The following B4GALT6 variants were observed in gnomAD, a reference collection of about 807,000 sequenced individuals.
The protein encoded by B4GALT6 is UDP-Gal:beta-GlcNAc beta-1,4-galactosyltransferase 6.
A neutral mutation model predicts 46.3 loss-of-function variants in B4GALT6; 14 were observed. The observed-to-expected ratio is 0.30, with a 90% CI of 0.20 to 0.47. The LOEUF is 0.47. Ranked by LOEUF, B4GALT6 falls within the 20% of genes least tolerant of loss-of-function variation. B4GALT6 has a pLI of 0.99. For missense variants in B4GALT6, 386 were observed against 480.1 expected (o/e 0.80, Z 1.83); for synonymous variants, 168 against 162.0 (o/e 1.04, Z -0.28).
chr18:31,631,195 A>C, intron 5 of B4GALT6, 49 bp from the exon 6 acceptor site: 1 of 1,407,108 alleles, frequency 7.1e-7, no homozygotes, highest in Non-Finnish European at 9.4e-7. Flanking sequence ...CTCACACTTC[A>C]TCATCTTTTT....
chr18:31,627,844 C>T lies in B4GALT6; in HGVS notation c.777-723G>A, dbSNP rs144212598. On this transcript the variant is annotated intron_variant, in intron 6 of 8. Transcript: ENST00000306851. ...GTGTGTTTAGGTATAGATTGGCTTT[C>T]TGACATTTAGGCAGCATCCCTAGAC... 2.3e-3 allele frequency among the ~76,000 whole-genome samples: 343 copies of T among 152,280 alleles called. 1 individual carries two copies. The highest frequency in any genetic ancestry group is 0.02 in the Middle Eastern group (6 of 294).
the B4GALT6 span, among the ~76,000 whole-genome samples, chr18:31,691,233 G>T: frequency 8.0e-6 from 1 of 125,582 alleles, no homozygotes; most frequent in Non-Finnish European, 1.8e-5. Context: ...CAAAAACAGG[G>T]CAATAAATAA....
intron 3 of B4GALT6, among the ~76,000 whole-genome samples, chr18:31,654,888 A>G (rs980082013): frequency 6.6e-6 from 1 of 152,206 alleles, no homozygotes; most frequent in Admixed American, 6.5e-5. Flanking sequence ...TATCTTTTTA[A>G]GTAAAAAAAT....
the B4GALT6 span, among the ~76,000 whole-genome samples, chr18:31,717,903 G>A: frequency 6.8e-6 from 1 of 147,920 alleles, no homozygotes; most frequent in Non-Finnish European, 1.5e-5. Flanking sequence ...GTGGTGAGCC[G>A]AGATCGTGCC....
the B4GALT6 span, among the ~76,000 whole-genome samples, chr18:31,724,026 C>G: frequency 6.0e-5 from 9 of 150,806 alleles, no homozygotes; most frequent in East Asian, 2.0e-4. Context: ...AATTCTTCCT[C>G]GCAGAGGGGA....
Position 31,684,486 on chromosome 18 carries a change from C to G in B4GALT6, c.-60G>C. 1 of 1,582,792 alleles carries G rather than the reference C, an allele frequency of 6.3e-7. No individual in the cohort carries two copies. Among genetic ancestry groups the G allele is most frequent in the South Asian group, 1.1e-5 (1 of 87,746 alleles). On this transcript the variant is annotated 5_prime_UTR_variant, in exon 1 of 9. Transcript: ENST00000306851. ...CTCAGGCCGGACTCGGGGCCACTGT[C>G]CAGGCCCTAAACTTCCATAAATGTG...
chr18:31,625,706 A>C lies in B4GALT6; in HGVS notation c.1057T>G (p.Leu353Val), dbSNP rs767528764. ...ERQYIDGLNN[L>V]IYRPKILVDR... is the part of the protein sequence containing the mutation. ...ACCAGTATTTTTGGCCTATATATTA[A>C]ATTGTTCAGTCCATCGATGTACTGA... Residue 353 changes from leucine to valine, a missense_variant, in exon 9 of 9, where the codon TTA becomes GTA. By Grantham distance (32) the Leu-to-Val change is conservative. Transcript: ENST00000306851. 6.2e-7 allele frequency: 1 copy of C among 1,613,524 alleles called. No homozygotes were observed. The highest frequency in any genetic ancestry group is 1.1e-5 in the South Asian group (1 of 90,958).
rs184191440 is a variant in B4GALT6 at position 31,630,265 on chromosome 18, C to T, written c.776+694G>A. Among the ~76,000 whole-genome samples, 292 of 152,228 alleles carry T rather than the reference C, an allele frequency of 1.9e-3. 1 individual carries two copies. The highest frequency in any genetic ancestry group is 0.011 in the South Asian group (51 of 4,826). On this transcript the variant is annotated intron_variant, in intron 6 of 8. Transcript: ENST00000306851. Reference sequence around the variant, plus strand: ...ACATCTTCCTGCCCTAAGCAACAAACAGATTTTCTCTCTACTCCCATTAGG... The same window carrying T: ...ACATCTTCCTGCCCTAAGCAACAAATAGATTTTCTCTCTACTCCCATTAGG...
At chr18:31,714,909 G>A in the B4GALT6 span, among the ~76,000 whole-genome samples, 4 of 152,170 alleles carry the variant, frequency 2.6e-5, no homozygotes, top group Non-Finnish European at 5.9e-5. Flanking sequence ...GGTTGCTCAT[G>A]AGGATCACCT....
At chr18:31,707,857 A>C in the B4GALT6 span, among the ~76,000 whole-genome samples, 2 of 152,314 alleles carry the variant, frequency 1.3e-5, no homozygotes, top group East Asian at 1.9e-4. Context: ...ACATATTCAC[A>C]ATATGCTATA....
intron 1 of B4GALT6, among the ~76,000 whole-genome samples, chr18:31,669,513 T>C (rs996766586): frequency 2.6e-5 from 4 of 152,238 alleles, no homozygotes; most frequent in Non-Finnish European, 5.9e-5. Context: ...TATTCTTGTA[T>C]AGACTTTTTT....
chr18:31,632,244 G>A (rs1008838746), intron 5 of B4GALT6, among the ~76,000 whole-genome samples: 1 of 151,972 alleles, frequency 6.6e-6, no homozygotes, highest in Non-Finnish European at 1.5e-5. Flanking sequence ...ACTAACTTGA[G>A]GTAATAGAAG....
At chr18:31,658,758 C>T (rs1186887052) in intron 2 of B4GALT6, among the ~76,000 whole-genome samples, 2 of 152,200 alleles carry the variant, frequency 1.3e-5, no homozygotes, top group Admixed American at 6.5e-5. Flanking sequence ...TGATACAGGG[C>T]AGGACACGAT....
chr18:31,651,712 C>A (rs1384371645), intron 3 of B4GALT6, among the ~76,000 whole-genome samples: 1 of 152,144 alleles, frequency 6.6e-6, no homozygotes, highest in African/African-American at 2.4e-5. Flanking sequence ...CACTTTCTAA[C>A]CTGGCTCTAT....
rs1447126501 is a variant in B4GALT6 at position 31,625,184 on chromosome 18, A to AAT, written c.*429_*430insAT. On this transcript the variant is annotated 3_prime_UTR_variant, in exon 9 of 9. Coordinates refer to ENST00000306851, the MANE Select transcript of B4GALT6 (RefSeq NM_004775.5). ...TTTCATGCAAATAAAAAATGTCTAT[A>AAT]AAAGTCCAATAAAGGTATAACCGAT... 2.6e-5 allele frequency: 4 copies of AAT among 154,596 alleles called. No individual in the cohort carries two copies. The highest frequency in any genetic ancestry group is 9.6e-5 in the African/African-American group (4 of 41,516). The allele number at this position is 154,596 out of a possible 1,614,324, so 9.6% of individuals were successfully genotyped here.
intron 5 of B4GALT6, among the ~76,000 whole-genome samples, chr18:31,635,167 G>T (rs2073842192): frequency 6.6e-6 from 1 of 151,942 alleles, no homozygotes; most frequent in African/African-American, 2.4e-5. Flanking sequence ...GGAGGCAGAG[G>T]TTGCAGTGAG....
intron 2 of B4GALT6, among the ~76,000 whole-genome samples, chr18:31,661,643 A>C (rs2074218709): frequency 6.6e-6 from 1 of 152,188 alleles, no homozygotes. Context: ...ATTTTTCTGA[A>C]TCTCTTCAAT....
intron 3 of B4GALT6, among the ~76,000 whole-genome samples, chr18:31,647,932 G>A (rs17661498): frequency 0.031 from 4,696 of 152,174 alleles, 101 homozygotes; most frequent in Middle Eastern, 0.082. Context: ...TCTCTTTCGC[G>A]TACTCTTTTG....
In B4GALT6 at chr18:31,651,062, A is replaced by G. The variant is rs184682264; in HGVS notation, c.347-5583T>C. Among the ~76,000 whole-genome samples, 167 of 152,092 alleles carry G rather than the reference A, an allele frequency of 1.1e-3. 3 individuals carry two copies. In the East Asian group the frequency reaches 0.024, roughly 22 times the overall value. On this transcript the variant is annotated intron_variant, in intron 3 of 8. Coordinates refer to ENST00000306851, the MANE Select transcript of B4GALT6 (RefSeq NM_004775.5). ...ATTACAGGCGTGAGCCACCGCGCCC[A>G]GCCCCCAGCTGCATTTTTAACAAGT... is the stretch of plus-strand genomic sequence containing the variant.
Sources: allele counts gnomAD v4.1 joint callset (sites outside exome capture counted in the v4.1 genomes callset), GRCh38; gene constraint gnomAD v4.1.1; transcripts MANE v1.5; gene names NCBI Gene and HGNC (gene_info 2026-07-23, HGNC 2026-07-21).